LRP2: variants seen among roughly 807,000 people sequenced by gnomAD.
The protein encoded by LRP2 is low-density lipoprotein receptor-related protein 2.
In LRP2, 172 loss-of-function variants were observed where a neutral mutation model predicts 531.0. The observed-to-expected ratio is 0.32, with a 90% CI of 0.29 to 0.37. The LOEUF (loss-of-function observed/expected upper bound fraction) is 0.37. Among genes scored for constraint, LRP2 ranks in the 10% least tolerant of loss-of-function variants. LRP2 has a pLI of 1.00. For synonymous variants in LRP2, 1,992 were observed against 2,027.6 expected, an observed-to-expected ratio of 0.98 and a Z score of 0.47; for missense variants, 5,167 against 5,868.3, an observed-to-expected ratio of 0.88 and a Z score of 3.90.
intron 7 of LRP2, among the ~76,000 whole-genome samples, chr2:169,291,832 G>A (rs1258009153): frequency 6.6e-6 from 1 of 152,122 alleles, no homozygotes; most frequent in South Asian, 2.1e-4. Flanking sequence ...TGTTACCAAG[G>A]TTCAAAGTCA....
intron 4 of LRP2, among the ~76,000 whole-genome samples, chr2:169,303,644 TAAG>T (rs1684340545): frequency 6.6e-6 from 1 of 152,184 alleles, no homozygotes; most frequent in Admixed American, 6.5e-5. Context: ...AACAAAAGAA[TAAG>T]AAGTTTCTTT....
At chr2:169,362,185 C>T (rs1686186009) in intron 1 of LRP2, 136 bp downstream of exon 1, 1 of 681,926 alleles carries the variant, frequency 1.5e-6, no homozygotes, top group Admixed American at 3.4e-5. Context: ...CTGAGCGCCC[C>T]ACCGGGAGCA....
chr2:169,129,377 TC>T, intron 77 of LRP2, among the ~76,000 whole-genome samples: 1 of 152,198 alleles, frequency 6.6e-6, no homozygotes, highest in African/African-American at 2.4e-5. Flanking sequence ...CCTGGTTACC[TC>T]AGTACAGAGA....
chr2:169,145,647 G>T, intron 70 of LRP2, 100 bp downstream of exon 70: 1 of 1,171,114 alleles, frequency 8.5e-7, no homozygotes, highest in Non-Finnish European at 1.3e-6. Context: ...CAAGAGATTA[G>T]CTTGTTGTTA....
At chr2:169,205,680 T>A in intron 40 of LRP2, 43 bp from the exon 41 acceptor site, 5 of 1,515,760 alleles carry the variant, frequency 3.3e-6, no homozygotes, top group Non-Finnish European at 4.6e-6. Flanking sequence ...ACAGGGAACC[T>A]CATAGTCCTT....
At chr2:169,341,967 G>A (rs1685574482) in intron 1 of LRP2, among the ~76,000 whole-genome samples, 1 of 152,078 alleles carries the variant, frequency 6.6e-6, no homozygotes, top group Non-Finnish European at 1.5e-5. Flanking sequence ...ACAATTCTTT[G>A]TAGTATGGAA....
intron 1 of LRP2, among the ~76,000 whole-genome samples, chr2:169,333,780 A>C (rs953255987): frequency 6.6e-6 from 1 of 152,078 alleles, no homozygotes; most frequent in African/African-American, 2.4e-5. Context: ...AGCAAAAAGA[A>C]CTTCAGAACA....
In LRP2 at chr2:169,137,438, A is replaced by G; in HGVS notation, c.13574T>C (p.Met4525Thr). 1.2e-6 allele frequency: 2 copies of G among 1,614,154 alleles called. No individual in the cohort carries two copies. The highest frequency in any genetic ancestry group is 1.3e-5 in the African/African-American group (1 of 75,044). ...GACAGCACTGTCTCTGGCTGAGTAC[A>G]TTGGGTTTTCAAATATTATGGGCTG... ...GKQPIIFENP[M>T]YSARDSAVKV... The change falls in exon 76 of 79, where the codon ATG becomes ACG. Residue 4525 changes from methionine (M) to threonine (T), a missense_variant. Physicochemically the swap from Met to Thr is moderately conservative, Grantham distance 81. Around this residue, in one of 6 missense-constraint regions of LRP2, gnomAD observed 348 missense variants for 369.3 expected, o/e 0.94. Transcript: ENST00000649046.
intron 31 of LRP2, among the ~76,000 whole-genome samples, chr2:169,228,054 G>A (rs1193780871): frequency 3.9e-5 from 6 of 152,030 alleles, no homozygotes; most frequent in Admixed American, 1.3e-4. Context: ...GAGAATATGC[G>A]CCATACTGCA....
intron 1 of LRP2, among the ~76,000 whole-genome samples, chr2:169,346,814 G>A (rs1194895747): frequency 6.6e-6 from 1 of 152,180 alleles, no homozygotes; most frequent in Non-Finnish European, 1.5e-5. Context: ...CCCAAGGAAT[G>A]GTTGATGGAG....
At chr2:169,225,283 G>A in intron 33 of LRP2, 27 bp downstream of exon 33, 1 of 1,607,426 alleles carries the variant, frequency 6.2e-7, no homozygotes, top group Non-Finnish European at 8.5e-7. Flanking sequence ...TCCAATGTTT[G>A]TGTAAGTAGT....
intron 68 of LRP2, 63 bp downstream of exon 68, chr2:169,150,835 A>G: frequency 6.2e-7 from 1 of 1,603,134 alleles, no homozygotes; most frequent in Non-Finnish European, 8.5e-7. Context: ...TATAAGAAAC[A>G]TGGAATTTGA....
intron 77 of LRP2, among the ~76,000 whole-genome samples, chr2:169,129,730 G>C (rs780516212): frequency 6.6e-6 from 1 of 152,106 alleles, no homozygotes; most frequent in Non-Finnish European, 1.5e-5. Flanking sequence ...TAACTTGCAG[G>C]TAGAAGGGCA....
intron 32 of LRP2, among the ~76,000 whole-genome samples, chr2:169,225,843 A>T (rs576594937): frequency 6.6e-6 from 1 of 152,298 alleles, no homozygotes; most frequent in African/African-American, 2.4e-5. Context: ...CTCTTTCCCT[A>T]TTCTTACAGG....
rs1473856950 is a variant in LRP2 at position 169,182,094 on chromosome 2, T to C, written c.9998+73A>G. On this transcript the variant is annotated intron_variant, in intron 51 of 78. Coordinates refer to ENST00000649046, the MANE Select transcript of LRP2 (RefSeq NM_004525.3). ...AGACATTGGCCTTGAGATAGTTACA[T>C]GAACAGCCTTCTCGGTAACAGAGGC... The C allele has an allele frequency of 4.4e-6, 7 of 1,590,766 alleles. No homozygotes were observed. In the East Asian group the frequency reaches 1.1e-4, roughly 25 times the overall value.
intron 52 of LRP2, 122 bp downstream of exon 52, chr2:169,181,326 C>A (rs991595938): frequency 1.1e-6 from 1 of 931,520 alleles, no homozygotes; most frequent in African/African-American, 1.6e-5. Context: ...GTGACTTCCC[C>A]CGAATGACTT....
At chr2:169,332,468 C>T (rs997996404) in intron 1 of LRP2, among the ~76,000 whole-genome samples, 1 of 152,120 alleles carries the variant, frequency 6.6e-6, no homozygotes, top group Admixed American at 6.5e-5. Flanking sequence ...AATCAGTGTC[C>T]AGACACTAAA....
chr2:169,294,170 G>T lies in LRP2; in HGVS notation c.630C>A (p.Asp210Glu), dbSNP rs368336310. Residue 210 changes from aspartate (D) to glutamate (E), a missense_variant, in exon 6 of 79, where the codon GAC becomes GAA. Asp to Glu is a conservative substitution (Grantham distance 45, BLOSUM62 2). This residue lies in a region of LRP2 where 2,811 missense variants were observed against 3,058.0 expected (regional missense o/e 0.92). Coordinates refer to ENST00000649046, the MANE Select transcript of LRP2 (RefSeq NM_004525.3). ...TACTGCAAGCATGTTCGTCACTGCCGTCTTGGCAATCATTGTCATGGTCAC... is the reference window on the plus strand; with the variant it reads ...TACTGCAAGCATGTTCGTCACTGCCTTCTTGGCAATCATTGTCATGGTCAC... ...YVCDHDNDCQ[D>E]GSDEHACNYP... is the part of the protein sequence containing the mutation. The T allele has an allele frequency of 4.3e-6, 7 of 1,612,510 alleles. No homozygotes were observed. The highest frequency in any genetic ancestry group is 5.9e-6 in the Non-Finnish European group (7 of 1,178,568).
chr2:169,246,986 C>T lies in LRP2; in HGVS notation c.2909G>A (p.Gly970Asp). 2 of 1,614,020 alleles carry T rather than the reference C, an allele frequency of 1.2e-6. No homozygotes were observed. Among genetic ancestry groups the T allele is most frequent in the Non-Finnish European group, 1.7e-6 (2 of 1,179,992 alleles). ...LKSYDVNIQT[G>D]SNACNQPTHP... ...CGTGGGTTGATTACAGGCGTTAGAACCTGCAAAAGCAAAGCCCCGAGGGAG... is the reference window on the plus strand; with the variant it reads ...CGTGGGTTGATTACAGGCGTTAGAATCTGCAAAAGCAAAGCCCCGAGGGAG... The change falls in exon 21 of 79, where the codon GGT becomes GAT. Residue 970 changes from glycine (G) to aspartate (D), a missense_variant and splice_region_variant. This residue lies in a region of LRP2 where 2,811 missense variants were observed against 3,058.0 expected (regional missense o/e 0.92). Transcript: ENST00000649046.
Sources: gnomAD v4.1 joint callset for allele counts (sites outside exome capture counted in the v4.1 genomes callset) on GRCh38, gnomAD v4.1.1 for gene constraint, gnomAD v4.1.1 regional missense constraint, MANE v1.5 for transcripts, NCBI Gene and HGNC (gene_info 2026-07-23, HGNC 2026-07-21) for gene names.